Variants in SLC2A8 observed in about 807,000 individuals in gnomAD.
SLC2A8 encodes solute carrier family 2 member 8.
A neutral mutation model predicts 49.2 loss-of-function variants in SLC2A8; 53 were observed. The observed-to-expected ratio is 1.08, with a 90% CI of 0.86 to 1.35. The LOEUF (loss-of-function observed/expected upper bound fraction) is 1.35, where lower values mean the gene tolerates loss of function less well. Among genes scored for constraint, SLC2A8 ranks in the 40% most tolerant of loss-of-function variants. The pLI is 0.00. For missense variants in SLC2A8, 688 were observed against 671.7 expected, an observed-to-expected ratio of 1.02 and a Z score of -0.27; for synonymous variants, 299 against 297.0, an observed-to-expected ratio of 1.01 and a Z score of -0.07.
rs1833526898 is a variant in SLC2A8, at chr9:127,407,292, TGG to T, written c.*45_*46del. On this transcript the variant is annotated 3_prime_UTR_variant, in exon 10 of 10. Coordinates refer to ENST00000373371, the MANE Select transcript of SLC2A8 (RefSeq NM_014580.5). ...ATGGAGCAAGCCTGTGACTCCAAGC[TGG>T]GCCCAAGCCCAGAGCCCCTGCCTGC... is the stretch of plus-strand genomic sequence containing the variant. The T allele has an allele frequency of 6.2e-7, 1 of 1,610,884 alleles. No individual in the cohort carries two copies. The highest frequency in any genetic ancestry group is 8.5e-7 in the Non-Finnish European group (1 of 1,178,718).
At position 127,404,935 on chromosome 9, in the gene SLC2A8, A is replaced by G; in HGVS notation, c.1094A>G (p.Asp365Gly). Residue 365 changes from aspartate to glycine, a missense_variant, in exon 8 of 10, where the codon GAT becomes GGT. Physicochemically the swap from Asp to Gly is moderately conservative, Grantham distance 94. Coordinates refer to ENST00000373371, the MANE Select transcript of SLC2A8 (RefSeq NM_014580.5). ...ISAPVSAQPVDASVGLAWLAV... is the reference protein window; with the variant it reads ...ISAPVSAQPVGASVGLAWLAV... ...GCGCCTGTCTCTGCACAGCCTGTTG[A>G]TGCCAGCGTGGGGCTGGCCTGGCTG... 1.2e-6 allele frequency: 2 copies of G among 1,611,894 alleles called. No individual in the cohort carries two copies. Among genetic ancestry groups the G allele is most frequent in the Non-Finnish European group, 1.7e-6 (2 of 1,179,632 alleles).
At chr9:127,406,897 C>T (rs923698751) in intron 9 of SLC2A8, among the ~76,000 whole-genome samples, 1 of 152,200 alleles carries the variant, frequency 6.6e-6, no homozygotes, top group Non-Finnish European at 1.5e-5. Context: ...CATACGACCT[C>T]GGTATCTTGG....
Position 127,397,246 on chromosome 9 carries a change from C to G in SLC2A8, c.16C>G (p.Pro6Ala). Residue 6 changes from proline to alanine, a missense_variant, in exon 1 of 10, where the codon CCA becomes GCA. Physicochemically the swap from Pro to Ala is conservative, Grantham distance 27 (BLOSUM62 -1). Transcript: ENST00000373371. Reference protein sequence around the residue: MTPEDPEETQPLLGPP... With the variant: MTPEDAEETQPLLGPP... ...GGCCGCCGACATGACGCCCGAGGAC[C>G]CAGAGGAAACCCAGCCGCTTCTGGG... 6.9e-7 allele frequency: 1 copy of G among 1,440,610 alleles called. No homozygotes were observed. The allele number at this position is 1,440,610 out of a possible 1,614,324, so 89.2% of individuals were successfully genotyped here.
chr9:127,407,079 C>T (rs1833517707), intron 9 of SLC2A8, 33 bp from the exon 10 acceptor site: 2 of 1,610,398 alleles, frequency 1.2e-6, no homozygotes, highest in Non-Finnish European at 1.7e-6. Flanking sequence ...GATCTCTCCC[C>T]GCGTCCACCC....
Position 127,404,863 on chromosome 9 carries a change from A to G in SLC2A8, c.1022A>G (p.Lys341Arg), listed in dbSNP as rs755357612. ...FSTSAFGAYF[K>R]LTQGGPGNSS... The stretch of plus-strand genomic sequence containing the variant: ...ACGAGTGCCTTCGGCGCCTACTTCA[A>G]GCTGACCCAGGGTGGCCCTGGCAAC... Residue 341 changes from lysine to arginine, a missense_variant, in exon 8 of 10, where the codon AAG becomes AGG. Transcript: ENST00000373371. The G allele has an allele frequency of 6.2e-7, 1 of 1,612,688 alleles. No homozygotes were observed. Among genetic ancestry groups the G allele is most frequent in the Non-Finnish European group, 8.5e-7 (1 of 1,179,780 alleles).
intron 5 of SLC2A8, 190 bp from the exon 6 acceptor site, chr9:127,403,470 A>AGG (rs1833369669): frequency 1.6e-6 from 1 of 644,742 alleles, no homozygotes; most frequent in Non-Finnish European, 2.7e-6. Flanking sequence ...TGGGCAGGTG[A>AGG]GGGTCATCTC....
Position 127,407,277 on chromosome 9 carries a change from C to A in SLC2A8, c.*28C>A. The A allele has an allele frequency of 6.2e-7, 1 of 1,612,044 alleles. No individual in the cohort carries two copies. The highest frequency in any genetic ancestry group is 1.1e-5 in the South Asian group (1 of 91,042). On this transcript the variant is annotated 3_prime_UTR_variant, in exon 10 of 10. Coordinates refer to ENST00000373371, the MANE Select transcript of SLC2A8 (RefSeq NM_014580.5). ...GCCACTCACTAGGGGATGGAGCAAG[C>A]CTGTGACTCCAAGCTGGGCCCAAGC...
chr9:127,400,693 C>T (rs112243478), intron 4 of SLC2A8, among the ~76,000 whole-genome samples: 32 of 152,110 alleles, frequency 2.1e-4, no homozygotes, highest in South Asian at 1.0e-3. Context: ...TTCACCATGT[C>T]GGCGAGTTGC....
At chr9:127,400,118 T>A in intron 4 of SLC2A8, 112 bp downstream of exon 4, 1 of 760,406 alleles carries the variant, frequency 1.3e-6, no homozygotes, top group Non-Finnish European at 2.1e-6. Flanking sequence ...ACATAGCCAG[T>A]GCCCAACATG....
chr9:127,405,279 C>A, intron 8 of SLC2A8, 141 bp from the exon 9 acceptor site: 3 of 999,668 alleles, frequency 3.0e-6, no homozygotes, highest in Non-Finnish European at 4.3e-6. Context: ...GGCAGGAAAG[C>A]ATGGAGCTGG....
At chr9:127,398,913 C>T (rs1276754791) in intron 3 of SLC2A8, among the ~76,000 whole-genome samples, 1 of 152,238 alleles carries the variant, frequency 6.6e-6, no homozygotes, top group Non-Finnish European at 1.5e-5. Flanking sequence ...AGCAGCCACT[C>T]AGGCCCCTCC....
chr9:127,404,618 C>T (rs1217446477), intron 7 of SLC2A8, 200 bp from the exon 8 acceptor site: 8 of 589,076 alleles, frequency 1.4e-5, no homozygotes, highest in Admixed American at 3.1e-5. Context: ...GGGTCTGCTC[C>T]GGGAACTTTT....
In SLC2A8 at chr9:127,397,372, C is replaced by A. The variant is rs565586894; in HGVS notation, c.57-4C>A. 4.8e-6 allele frequency: 7 copies of A among 1,463,232 alleles called. No individual in the cohort carries two copies. The highest frequency in any genetic ancestry group is 1.5e-5 in the African/African-American group (1 of 67,626). The allele number at this position is 1,463,232 out of a possible 1,614,324, so 90.6% of individuals were successfully genotyped here. A position where few individuals can be genotyped will look rare whatever the true frequency, so the allele number is the denominator to read the frequency against. On this transcript the variant is annotated splice_region_variant and splice_polypyrimidine_tract_variant and intron_variant, in intron 1 of 9. Transcript: ENST00000373371. ...TCCGCTCACCCTCGGCCCTGTCCCC[C>A]CAGCGCGCCCCGCGGCCGCCGCGTC...
At position 127,397,412 on chromosome 9, in the gene SLC2A8, C is replaced by T. The variant is rs1444295382; in HGVS notation, c.93C>T (p.Phe31=). The change falls in exon 2 of 10, where the codon TTC becomes TTT. Residue 31 remains phenylalanine (F), a synonymous_variant. Transcript: ENST00000373371. ...PRGRRVFLAA[F]AAALGPLSFG... ...GCCGCCGCGTCTTCCTCGCCGCCTT[C>T]GCCGCTGCCCTGGGCCCACTCAGCT... is the stretch of plus-strand genomic sequence containing the variant. 6.8e-7 allele frequency: 1 copy of T among 1,476,248 alleles called. No homozygotes were observed. The allele number at this position is 1,476,248 out of a possible 1,614,324, so 91.4% of individuals were successfully genotyped here. A position where few individuals can be genotyped will look rare whatever the true frequency, so the allele number is the denominator to read the frequency against.
Position 127,397,389 on chromosome 9 carries a change from C to T in SLC2A8, c.70C>T (p.Arg24Cys). ...GPPGGSAPRG[R>C]RVFLAAFAAA... Reference sequence around the variant, plus strand: ...CTGTCCCCCCAGCGCGCCCCGCGGCCGCCGCGTCTTCCTCGCCGCCTTCGC... The same window carrying T: ...CTGTCCCCCCAGCGCGCCCCGCGGCTGCCGCGTCTTCCTCGCCGCCTTCGC... The change falls in exon 2 of 10, where the codon CGC (arginine) becomes TGC (cysteine). Residue 24 changes from arginine (R) to cysteine (C), a missense_variant. Physicochemically the swap from Arg to Cys is radical, Grantham distance 180. Coordinates refer to ENST00000373371, the MANE Select transcript of SLC2A8 (RefSeq NM_014580.5). 5 of 1,470,070 alleles carry T rather than the reference C, an allele frequency of 3.4e-6. No individual in the cohort carries two copies. The highest frequency in any genetic ancestry group is 1.3e-5 in the South Asian group (1 of 77,044). The allele number at this position is 1,470,070 out of a possible 1,614,324, so 91.1% of individuals were successfully genotyped here.
At chr9:127,406,330 G>A (rs865786402) in intron 9 of SLC2A8, among the ~76,000 whole-genome samples, 18 of 152,322 alleles carry the variant, frequency 1.2e-4, no homozygotes, top group South Asian at 1.0e-3. Flanking sequence ...GGGCCAGCCT[G>A]GAGTCTGTGC....
chr9:127,402,696 G>A lies in SLC2A8; in HGVS notation c.666G>A (p.Leu222=), dbSNP rs1270401969. The change falls in exon 5 of 10, where the codon CTG becomes CTA. Residue 222 remains leucine, a synonymous_variant. Transcript: ENST00000373371. ...QHRRQEAMAA[L]RFLWGSEQGW... ...GGCGCCAGGAGGCCATGGCCGCCCT[G>A]CGGTTCCTGTGGGGCTCCGAGCAGG... is the stretch of plus-strand genomic sequence containing the variant. The A allele has an allele frequency of 1.2e-5, 19 of 1,566,172 alleles. No homozygotes were observed. Among genetic ancestry groups the A allele is most frequent in the Non-Finnish European group, 1.6e-5 (19 of 1,156,556 alleles).
At chr9:127,405,877 AG>A in intron 9 of SLC2A8, 1 of 540,520 alleles carries the variant, frequency 1.9e-6, no homozygotes, top group South Asian at 1.6e-5. Context: ...AAGAGTTGAC[AG>A]GGCTGGGCTG....
At chr9:127,404,637 G>A (rs555022995) in intron 7 of SLC2A8, 181 bp from the exon 8 acceptor site, 7 of 650,262 alleles carry the variant, frequency 1.1e-5, no homozygotes, top group Non-Finnish European at 1.8e-5. Context: ...TTTGCAGTTC[G>A]CTGAGGTCCA....
Sources: allele counts gnomAD v4.1 joint callset (sites outside exome capture counted in the v4.1 genomes callset), GRCh38; gene constraint gnomAD v4.1.1; transcripts MANE v1.5; gene names NCBI Gene and HGNC (gene_info 2026-07-23, HGNC 2026-07-21).